RAD51B: variants seen among roughly 807,000 people sequenced by gnomAD.
The protein encoded by RAD51B is DNA repair protein RAD51 homolog 2.
Under a neutral mutation model 42.2 loss-of-function variants are expected in RAD51B, and 38 were observed. That is an observed-to-expected ratio of 0.90 (90% CI 0.70 to 1.18). RAD51B has a LOEUF of 1.18. Ranked by LOEUF, RAD51B falls within the 50% of genes most tolerant of loss-of-function variation. The probability of loss-of-function intolerance (pLI) is 0.00; values close to 1 mark genes in which losing one functional copy is unlikely to be tolerated. For synonymous variants in RAD51B, 154 were observed against 145.2 expected (o/e 1.06, Z -0.43); for missense variants, 373 against 400.7 (o/e 0.93, Z 0.59).
At chr14:68,586,599 T>C (rs1475233183) in intron 10 of RAD51B, among the ~76,000 whole-genome samples, 1 of 152,174 alleles carries the variant, frequency 6.6e-6, no homozygotes, top group Non-Finnish European at 1.5e-5. Context: ...CCAGGTGTCA[T>C]GCTCAGCACA....
intron 11 of RAD51B, among the ~76,000 whole-genome samples, chr14:68,672,025 C>T (rs886261871): frequency 2.0e-5 from 3 of 152,092 alleles, no homozygotes; most frequent in Non-Finnish European, 4.4e-5. Flanking sequence ...AGACCATAAA[C>T]GCAAAGCCAG....
chr14:68,136,369 A>G (rs61987541), intron 7 of RAD51B, among the ~76,000 whole-genome samples: 81,176 of 128,870 alleles, frequency 0.63, 30,516 homozygotes, highest in East Asian at 0.85. Context: ...CACGAGGTCA[A>G]GAGATCGAGA....
chr14:68,038,887 A>G (rs1377770335), intron 7 of RAD51B, among the ~76,000 whole-genome samples: 2 of 152,220 alleles, frequency 1.3e-5, no homozygotes, highest in Non-Finnish European at 2.9e-5. Context: ...TTTATTATCT[A>G]TGCTCTTGAG....
intron 5 of RAD51B, among the ~76,000 whole-genome samples, chr14:67,882,880 G>A (rs1052279314): frequency 2.0e-5 from 3 of 152,110 alleles, no homozygotes; most frequent in Non-Finnish European, 2.9e-5. Flanking sequence ...GAGTAGCTGG[G>A]ATTACAGGCG....
At chr14:68,599,565 T>A (rs889135460), downstream of RAD51B, among the ~76,000 whole-genome samples, 6 of 152,126 alleles carry the variant, frequency 3.9e-5, no homozygotes, top group Non-Finnish European at 7.4e-5. Context: ...GACAAGAAAG[T>A]TTTTCTTCTC....
chr14:68,436,252 C>G (rs1486421170), intron 9 of RAD51B, among the ~76,000 whole-genome samples: 1 of 152,172 alleles, frequency 6.6e-6, no homozygotes, highest in Non-Finnish European at 1.5e-5. Flanking sequence ...ACCCAGCTAT[C>G]CCAGCACCAT....
chr14:68,045,401 A>G (rs566440463), intron 7 of RAD51B, among the ~76,000 whole-genome samples: 111 of 152,236 alleles, frequency 7.3e-4, no homozygotes, highest in Non-Finnish European at 1.2e-3. Context: ...TTACACAATA[A>G]GGGCTGAATA....
intron 6 of RAD51B, 100 bp from the exon 7 acceptor site, chr14:67,886,921 G>T: frequency 1.4e-6 from 1 of 728,048 alleles, no homozygotes; most frequent in South Asian, 2.7e-5. Context: ...ACTTAGGAAA[G>T]AATAGTTTAT....
At chr14:68,368,969 C>T (rs1027599763) in intron 8 of RAD51B, among the ~76,000 whole-genome samples, 3 of 152,084 alleles carry the variant, frequency 2.0e-5, no homozygotes, top group African/African-American at 4.8e-5. Context: ...TGGTTATGGT[C>T]GTTGTTTTTA....
At chr14:68,455,651 C>T (rs1052309986) in intron 9 of RAD51B, among the ~76,000 whole-genome samples, 13 of 152,096 alleles carry the variant, frequency 8.5e-5, no homozygotes, top group South Asian at 8.3e-4. Flanking sequence ...ACCCAGGAGG[C>T]GGAGGTTGCA....
intron 9 of RAD51B, among the ~76,000 whole-genome samples, chr14:68,442,464 T>C (rs1448673425): frequency 1.7e-5 from 2 of 118,204 alleles, no homozygotes; most frequent in African/African-American, 6.4e-5. Context: ...TTTTTTTAGC[T>C]AGAGTCTCGC....
intron 7 of RAD51B, among the ~76,000 whole-genome samples, chr14:68,176,846 G>C (rs990102503): frequency 6.6e-6 from 1 of 152,130 alleles, no homozygotes; most frequent in African/African-American, 2.4e-5. Flanking sequence ...TACACAGAAG[G>C]CTTCTGGATT....
chr14:67,932,904 T>C (rs1193419708), intron 7 of RAD51B, among the ~76,000 whole-genome samples: 1 of 152,080 alleles, frequency 6.6e-6, no homozygotes, highest in African/African-American at 2.4e-5. Flanking sequence ...TTGTCCACCC[T>C]GGCCCCTGGC....
intron 7 of RAD51B, among the ~76,000 whole-genome samples, chr14:67,900,624 G>A (rs990876786): frequency 3.0e-5 from 4 of 134,432 alleles, no homozygotes; most frequent in Admixed American, 2.3e-4. Context: ...GTGTGTGTGT[G>A]TCATACACAC....
chr14:68,377,748 C>T (rs1217143137), intron 8 of RAD51B, among the ~76,000 whole-genome samples: 1 of 152,210 alleles, frequency 6.6e-6, no homozygotes, highest in African/African-American at 2.4e-5. Flanking sequence ...TGGGCTTGTG[C>T]CCCGTTTTTG....
chr14:67,945,718 G>A (rs575761521), intron 7 of RAD51B, among the ~76,000 whole-genome samples: 8 of 152,188 alleles, frequency 5.3e-5, no homozygotes, highest in South Asian at 2.1e-4. Flanking sequence ...TGATCCACCC[G>A]CCTCAGCCTC....
intron 7 of RAD51B, among the ~76,000 whole-genome samples, chr14:67,994,586 C>T (rs2075350744): frequency 6.6e-6 from 1 of 152,098 alleles, no homozygotes; most frequent in Non-Finnish European, 1.5e-5. Flanking sequence ...CTTTGTATGA[C>T]TAAGCTCAAG....
intron 10 of RAD51B, among the ~76,000 whole-genome samples, chr14:68,586,781 G>C (rs1383159449): frequency 2.0e-5 from 3 of 152,116 alleles, no homozygotes; most frequent in East Asian, 3.9e-4. Flanking sequence ...GAGGTGGGTG[G>C]ATCACCTGAG....
intron 7 of RAD51B, among the ~76,000 whole-genome samples, chr14:68,206,398 C>T (rs997545310): frequency 6.6e-6 from 1 of 152,168 alleles, no homozygotes; most frequent in Non-Finnish European, 1.5e-5. Context: ...AATTTATTAT[C>T]TGTTGATGAT....
Sources: gnomAD v4.1 joint callset for allele counts (sites outside exome capture counted in the v4.1 genomes callset) on GRCh38, gnomAD v4.1.1 for gene constraint, MANE v1.5 for transcripts, NCBI Gene and HGNC (gene_info 2026-07-23, HGNC 2026-07-21) for gene names.